PTPRC: variants seen among roughly 807,000 people sequenced by gnomAD.
The protein encoded by PTPRC is receptor-type tyrosine-protein phosphatase C.
Under a neutral mutation model 155.9 loss-of-function variants are expected in PTPRC, and 44 were observed. The observed-to-expected ratio is 0.28, with a 90% CI of 0.22 to 0.36. PTPRC has a LOEUF of 0.36. PTPRC is among the 10% of genes least tolerant of loss of function. The probability of loss-of-function intolerance (pLI) is 1.00; values close to 1 mark genes in which losing one functional copy is unlikely to be tolerated. For synonymous variants in PTPRC, 525 were observed against 533.1 expected (o/e 0.98, Z 0.21); for missense variants, 1,401 against 1,564.6 (o/e 0.90, Z 1.76).
chr1:198,721,465 C>T (rs915298665), intron 14 of PTPRC, among the ~76,000 whole-genome samples: 1 of 151,944 alleles, frequency 6.6e-6, no homozygotes, highest in African/African-American at 2.4e-5. Context: ...TTTCTGAAGG[C>T]CTTCACATGA....
At chr1:198,704,792 T>C (rs916001451) in intron 8 of PTPRC, among the ~76,000 whole-genome samples, 5 of 152,212 alleles carry the variant, frequency 3.3e-5, no homozygotes, top group African/African-American at 1.2e-4. Context: ...TCAATTTTAC[T>C]GCAAACCTCA....
chr1:198,749,675 A>C, intron 28 of PTPRC, 126 bp downstream of exon 28: 1 of 871,890 alleles, frequency 1.1e-6, no homozygotes, highest in Admixed American at 2.4e-5. Context: ...ATATAGATTG[A>C]CATGAGAGTT....
intron 2 of PTPRC, among the ~76,000 whole-genome samples, chr1:198,651,795 T>C (rs1663267755): frequency 6.6e-6 from 1 of 151,808 alleles, no homozygotes; most frequent in Non-Finnish European, 1.5e-5. Flanking sequence ...TCAATTTAAT[T>C]TTCCTTGTTC....
intron 32 of PTPRC, among the ~76,000 whole-genome samples, chr1:198,754,812 C>G (rs1655553118): frequency 1.3e-5 from 2 of 152,190 alleles, no homozygotes; most frequent in South Asian, 4.1e-4. Flanking sequence ...TGCTGGTGCC[C>G]TCAGGCTCAG....
At chr1:198,677,812 C>T (rs983064092) in intron 2 of PTPRC, among the ~76,000 whole-genome samples, 5 of 152,110 alleles carry the variant, frequency 3.3e-5, no homozygotes, top group African/African-American at 4.8e-5. Context: ...GATTATGGCT[C>T]TAAAAACAAG....
At chr1:198,663,497 G>A (rs1557977801) in intron 2 of PTPRC, among the ~76,000 whole-genome samples, 1 of 152,214 alleles carries the variant, frequency 6.6e-6, no homozygotes, top group East Asian at 1.9e-4. Context: ...GCTTCTGGAA[G>A]TAGTTGAAGA....
At chr1:198,660,623 C>G (rs1663909673) in intron 2 of PTPRC, 1 of 151,878 alleles carries the variant, frequency 6.6e-6, no homozygotes, top group Non-Finnish European at 1.5e-5. Context: ...ATCAACTTAC[C>G]TTTTTGAAAG....
At chr1:198,703,574 C>G in intron 7 of PTPRC, 1 of 763,850 alleles carries the variant, frequency 1.3e-6, no homozygotes. Context: ...GTAATTGTTA[C>G]TGTCATAATT....
intron 2 of PTPRC, among the ~76,000 whole-genome samples, chr1:198,675,263 A>G (rs1664887544): frequency 1.3e-5 from 2 of 152,190 alleles, no homozygotes; most frequent in Admixed American, 1.3e-4. Flanking sequence ...ATGAGAAGCA[A>G]ACATCTAAAT....
intron 26 of PTPRC, among the ~76,000 whole-genome samples, chr1:198,746,115 T>C (rs926728544): frequency 2.0e-5 from 3 of 151,762 alleles, no homozygotes; most frequent in Admixed American, 6.6e-5. Context: ...TTCTTGTCAA[T>C]GTTGAATTAA....
At chr1:198,717,470 G>A (rs1301904510) in intron 13 of PTPRC, among the ~76,000 whole-genome samples, 1 of 152,188 alleles carries the variant, frequency 6.6e-6, no homozygotes, top group African/African-American at 2.4e-5. Context: ...CGTGTTTTAA[G>A]GCAGCATCTA....
At chr1:198,743,957 A>G (rs1655025598) in intron 25 of PTPRC, 97 bp from the exon 26 acceptor site, 2 of 1,217,162 alleles carry the variant, frequency 1.6e-6, no homozygotes, top group Non-Finnish European at 2.4e-6. Context: ...TTGTTCCAAT[A>G]TGAGCAAATT....
In PTPRC at chr1:198,676,855, A is replaced by G. The variant is rs528811760; in HGVS notation, c.74-15492A>G. Among the ~76,000 whole-genome samples the G allele has an allele frequency of 1.8e-4, 27 of 152,298 alleles. No homozygotes were observed. In the South Asian group the frequency reaches 5.2e-3, roughly 29 times the overall value. ...AGATTTCTTTTCTTCTTTGCTCAGT[A>G]TAAGTTGCATGATCATAGAAGATTT... On this transcript the variant is annotated intron_variant, in intron 2 of 32. Transcript: ENST00000442510.
Position 198,706,967 on chromosome 1 carries a change from A to G in PTPRC, c.904+15A>G, listed in dbSNP as rs372770556. ...TGTGCCACCAGGTAAATATCAATTT[A>G]TTTCTTTTAATAAATTTATAAAAAC... is the stretch of plus-strand genomic sequence containing the variant. On this transcript the variant is annotated intron_variant, in intron 9 of 32. Coordinates refer to ENST00000442510, the MANE Select transcript of PTPRC (RefSeq NM_002838.5). 6.4e-7 allele frequency: 1 copy of G among 1,557,448 alleles called. No homozygotes were observed. Among genetic ancestry groups the G allele is most frequent in the Non-Finnish European group, 8.9e-7 (1 of 1,129,472 alleles).
intron 12 of PTPRC, among the ~76,000 whole-genome samples, chr1:198,715,459 G>A (rs533471219): frequency 5.1e-4 from 77 of 151,922 alleles, no homozygotes; most frequent in Middle Eastern, 3.4e-3. Flanking sequence ...GTTTTATCTC[G>A]TTAACTTAAT....
In PTPRC at chr1:198,757,438, G is replaced by A. The variant is rs182294317; in HGVS notation, c.*1257G>A. ...CTAGAAAAAAAAAATCAAGAATAGT[G>A]GTATTTTTCATGAAGTAATAAAAAC... On this transcript the variant is annotated 3_prime_UTR_variant, in exon 33 of 33. Coordinates refer to ENST00000442510, the MANE Select transcript of PTPRC (RefSeq NM_002838.5). The A allele has an allele frequency of 7.3e-4, 111 of 151,582 alleles. No individual in the cohort carries two copies. Among genetic ancestry groups the A allele is most frequent in the African/African-American group, 2.3e-3 (96 of 41,440 alleles). The allele number at this position is 151,582 out of a possible 1,614,324, so 9.4% of individuals were successfully genotyped here.
At chr1:198,649,353 T>C (rs1663114933) in intron 2 of PTPRC, among the ~76,000 whole-genome samples, 1 of 151,762 alleles carries the variant, frequency 6.6e-6, no homozygotes, top group Non-Finnish European at 1.5e-5. Flanking sequence ...TTAGGTATGA[T>C]AAAGGTATGT....
At chr1:198,738,308 T>G (rs904127913) in intron 23 of PTPRC, among the ~76,000 whole-genome samples, 3 of 151,834 alleles carry the variant, frequency 2.0e-5, no homozygotes, top group African/African-American at 7.2e-5. Flanking sequence ...ACTTTCATTC[T>G]GTTGAGGTAT....
rs768853912 is a variant in PTPRC at position 198,704,452 on chromosome 1, A to T, written c.659-20A>T. ...CTAAAGCAAAATTTTAATAATTTAC[A>T]TTTTTTTTCTCCATTACAGCTACTA... On this transcript the variant is annotated intron_variant, in intron 7 of 32. Transcript: ENST00000442510. The T allele has an allele frequency of 9.3e-6, 15 of 1,613,586 alleles. No individual in the cohort carries two copies. The highest frequency in any genetic ancestry group is 1.7e-4 in the Middle Eastern group (1 of 6,060).
Sources: gnomAD v4.1 joint callset for allele counts (sites outside exome capture counted in the v4.1 genomes callset) on GRCh38, gnomAD v4.1.1 for gene constraint, MANE v1.5 for transcripts, NCBI Gene and HGNC (gene_info 2026-07-23, HGNC 2026-07-21) for gene names.